The following GRIK3 variants were observed in gnomAD, a reference collection of about 807,000 sequenced individuals.
The protein encoded by GRIK3 is glutamate receptor ionotropic, kainate 3.
In GRIK3, 29 loss-of-function variants were observed where a neutral mutation model predicts 102.5. The ratio of observed to expected loss-of-function variants is 0.28; its 90% confidence interval spans 0.21 to 0.39. The LOEUF (loss-of-function observed/expected upper bound fraction) is 0.39, where lower values mean the gene tolerates loss of function less well. Among genes scored for constraint, GRIK3 ranks in the 10% least tolerant of loss-of-function variants. GRIK3 has a pLI of 1.00. For synonymous variants in GRIK3, 511 were observed against 504.9 expected, an observed-to-expected ratio of 1.01 and a Z score of -0.16; for missense variants, 908 against 1,252.4, an observed-to-expected ratio of 0.73 and a Z score of 4.15.
intron 10 of GRIK3, among the ~76,000 whole-genome samples, chr1:36,831,479 C>G (rs931864152): frequency 1.3e-5 from 2 of 152,190 alleles, no homozygotes; most frequent in African/African-American, 2.4e-5. Context: ...CAGAATTCAC[C>G]TTCTGCTCTT....
chr1:36,800,462 T>G lies in GRIK3; in HGVS notation c.*1389A>C, dbSNP rs558286919. ...GGAACTCATAGGTCCACCCCCTGGC[T>G]GGTACCCAACCTGCTGCTACTTCTC... is the stretch of plus-strand genomic sequence containing the variant. On this transcript the variant is annotated 3_prime_UTR_variant, in exon 16 of 16. Transcript: ENST00000373091. The G allele has an allele frequency of 1.3e-5, 2 of 152,438 alleles. No individual in the cohort carries two copies. The highest frequency in any genetic ancestry group is 1.3e-4 in the Admixed American group (2 of 15,310). 9.4% of individuals were successfully genotyped at this position (152,438 alleles called of 1,614,324 possible). A position where few individuals can be genotyped will look rare whatever the true frequency, so the allele number is the denominator to read the frequency against.
At position 36,801,913 on chromosome 1, in the gene GRIK3, G is replaced by C. The variant is rs751513007; in HGVS notation, c.2698C>G (p.Arg900Gly). ...ATGCTGTCCTTGCCGGGAAGCCGGC[G>C]GTCATTGAATGTGTGCATGTTGATG... ...AVINMHTFNDRRLPGKDSMAC... is the reference protein window; with the variant it reads ...AVINMHTFNDGRLPGKDSMAC... Residue 900 changes from arginine to glycine, a missense_variant, in exon 16 of 16, where the codon CGC (arginine) becomes GGC (glycine). Coordinates refer to ENST00000373091, the MANE Select transcript of GRIK3 (RefSeq NM_000831.4). 1 of 1,614,006 alleles carries C rather than the reference G, an allele frequency of 6.2e-7. No individual in the cohort carries two copies. The highest frequency in any genetic ancestry group is 8.5e-7 in the Non-Finnish European group (1 of 1,179,956).
At chr1:36,928,645 C>G (rs149905490) in intron 1 of GRIK3, among the ~76,000 whole-genome samples, 3 of 152,356 alleles carry the variant, frequency 2.0e-5, no homozygotes, top group Admixed American at 1.3e-4. Flanking sequence ...AATGGCCACA[C>G]CTTGCCTTGC....
intron 1 of GRIK3, among the ~76,000 whole-genome samples, chr1:36,960,166 CTG>C (rs1641989455): frequency 6.9e-6 from 1 of 145,604 alleles, no homozygotes; most frequent in Non-Finnish European, 1.5e-5. Context: ...CCCTGTGAGC[CTG>C]TGTGCCCTGT....
At chr1:36,971,838 C>T (rs927295950) in intron 1 of GRIK3, among the ~76,000 whole-genome samples, 1 of 152,166 alleles carries the variant, frequency 6.6e-6, no homozygotes, top group African/African-American at 2.4e-5. Context: ...TTCTTCTGCT[C>T]TTCTTGCAGC....
At chr1:36,866,549 G>T (rs769925709) in intron 5 of GRIK3, among the ~76,000 whole-genome samples, 1 of 152,176 alleles carries the variant, frequency 6.6e-6, no homozygotes, top group African/African-American at 2.4e-5. Flanking sequence ...AACAAAAGCA[G>T]GATGTTTAGT....
chr1:36,938,110 T>C (rs1426238686), intron 1 of GRIK3, among the ~76,000 whole-genome samples: 1 of 152,204 alleles, frequency 6.6e-6, no homozygotes, highest in Admixed American at 6.5e-5. Context: ...CACATGCAAT[T>C]TCAGTGCAAT....
At chr1:37,020,494 G>A (rs1397289748) in intron 1 of GRIK3, among the ~76,000 whole-genome samples, 1 of 152,124 alleles carries the variant, frequency 6.6e-6, no homozygotes, top group Non-Finnish European at 1.5e-5. Context: ...TGAAAGATGA[G>A]GCTGACAAGC....
At chr1:36,956,817 A>AT (rs1251010829) in intron 1 of GRIK3, among the ~76,000 whole-genome samples, 1 of 152,266 alleles carries the variant, frequency 6.6e-6, no homozygotes, top group Non-Finnish European at 1.5e-5. Flanking sequence ...CTACTCTGGC[A>AT]TATTTTGAAA....
chr1:36,840,692 A>C (rs1402957188), intron 10 of GRIK3, among the ~76,000 whole-genome samples: 7 of 151,920 alleles, frequency 4.6e-5, no homozygotes, highest in Non-Finnish European at 1.0e-4. Flanking sequence ...GCACCACTGC[A>C]CTCCACCTTG....
In GRIK3 at chr1:36,797,757, C is replaced by A. The variant is rs936248771; in HGVS notation, c.*4094G>T. 6.6e-6 allele frequency: 1 copy of A among 152,274 alleles called. No homozygotes were observed. The highest frequency in any genetic ancestry group is 1.5e-5 in the Non-Finnish European group (1 of 68,084). The allele number at this position is 152,274 out of a possible 1,614,324, so 9.4% of individuals were successfully genotyped here. A position where few individuals can be genotyped will look rare whatever the true frequency, so the allele number is the denominator to read the frequency against. On this transcript the variant is annotated 3_prime_UTR_variant, in exon 16 of 16. Coordinates refer to ENST00000373091, the MANE Select transcript of GRIK3 (RefSeq NM_000831.4). ...AGCTGGGAGTGGCTCAGGGAGGGACCAACTTCATGCTGAGTGATGAAGCAG... is the reference window on the plus strand; with the variant it reads ...AGCTGGGAGTGGCTCAGGGAGGGACAAACTTCATGCTGAGTGATGAAGCAG...
intron 1 of GRIK3, among the ~76,000 whole-genome samples, chr1:36,907,462 G>A (rs1641296296): frequency 6.6e-6 from 1 of 152,138 alleles, no homozygotes; most frequent in Non-Finnish European, 1.5e-5. Context: ...CTTCCAGGAG[G>A]CCCATCGTTA....
chr1:36,802,761 C>G (rs189436886), intron 15 of GRIK3, among the ~76,000 whole-genome samples: 1 of 152,190 alleles, frequency 6.6e-6, no homozygotes, highest in Non-Finnish European at 1.5e-5. Flanking sequence ...GATATCTCAA[C>G]TTACCTAGTG....
At chr1:36,940,309 G>A (rs1641705374) in intron 1 of GRIK3, among the ~76,000 whole-genome samples, 1 of 152,206 alleles carries the variant, frequency 6.6e-6, no homozygotes, top group East Asian at 1.9e-4. Context: ...TATCCAGAGA[G>A]GTCCAGTGCT....
At chr1:36,982,832 G>A (rs1486282582) in intron 1 of GRIK3, among the ~76,000 whole-genome samples, 2 of 151,490 alleles carry the variant, frequency 1.3e-5, no homozygotes, top group African/African-American at 4.9e-5. Context: ...GTGGGGGAAG[G>A]AGGGGGAGCG....
chr1:36,994,893 T>C (rs1642404067), intron 1 of GRIK3, among the ~76,000 whole-genome samples: 1 of 152,168 alleles, frequency 6.6e-6, no homozygotes, highest in Admixed American at 6.5e-5. Flanking sequence ...GAACCTGCAT[T>C]GGGAATCACA....
At chr1:37,027,106 T>C (rs1269343368) in intron 1 of GRIK3, among the ~76,000 whole-genome samples, 1 of 152,020 alleles carries the variant, frequency 6.6e-6, no homozygotes, top group African/African-American at 2.4e-5. Context: ...AGGTCAATAC[T>C]GTTAGTAAAC....
At chr1:36,895,934 C>T (rs1190347463) in intron 1 of GRIK3, among the ~76,000 whole-genome samples, 2 of 152,134 alleles carry the variant, frequency 1.3e-5, no homozygotes, top group South Asian at 2.1e-4. Context: ...CATCTGACTT[C>T]TCTTCAGAAA....
At chr1:36,950,965 C>G (rs1641838104) in intron 1 of GRIK3, among the ~76,000 whole-genome samples, 1 of 152,226 alleles carries the variant, frequency 6.6e-6, no homozygotes, top group Non-Finnish European at 1.5e-5. Flanking sequence ...CTGCTGCAGA[C>G]TGGGGCCCCA....
Sources: gnomAD v4.1 joint callset for allele counts (sites outside exome capture counted in the v4.1 genomes callset) on GRCh38, gnomAD v4.1.1 for gene constraint, MANE v1.5 for transcripts, NCBI Gene and HGNC (gene_info 2026-07-23, HGNC 2026-07-21) for gene names.